The following ACSBG1 variants were observed in gnomAD, a reference collection of about 807,000 sequenced individuals.
The protein encoded by ACSBG1 is long-chain-fatty-acid--CoA ligase ACSBG1.
ACSBG1 carries 39 observed loss-of-function variants against 80.2 expected under a neutral mutation model. The observed-to-expected ratio is 0.49, with a 90% CI of 0.38 to 0.64. The LOEUF is 0.64. Among genes scored for constraint, ACSBG1 ranks in the 30% least tolerant of loss-of-function variants. The pLI is 0.00. For missense variants in ACSBG1, 828 were observed against 966.4 expected (o/e 0.86, Z 1.90); for synonymous variants, 392 against 379.5 (o/e 1.03, Z -0.38).
At position 78,176,929 on chromosome 15, in the gene ACSBG1, AAAAT is replaced by A. The variant is rs201512562; in HGVS notation, c.1702+1681_1702+1684del. On this transcript the variant is annotated intron_variant, in intron 11 of 13. Coordinates refer to ENST00000258873, the MANE Select transcript of ACSBG1 (RefSeq NM_015162.5). ...GGCAACAAAGCGAGACCCTGTTTCAAAAATAAATAAATAAATAAATAGGTAAATA... is the reference window on the plus strand; with the variant it reads ...GGCAACAAAGCGAGACCCTGTTTCAAAAATAAATAAATAAATAGGTAAATA... Among the ~76,000 whole-genome samples the A allele has an allele frequency of 2.3e-3, 357 of 152,224 alleles. 7 individuals carry two copies. In the East Asian group the frequency reaches 0.043, roughly 18 times the overall value.
chr15:78,232,169 T>G (rs1197708603), intron 1 of ACSBG1, among the ~76,000 whole-genome samples: 1 of 152,250 alleles, frequency 6.6e-6, no homozygotes, highest in Non-Finnish European at 1.5e-5. Context: ...ACACATTAGC[T>G]GATGGAATCC....
intron 1 of ACSBG1, among the ~76,000 whole-genome samples, chr15:78,221,788 G>A (rs1402639978): frequency 2.0e-5 from 3 of 152,136 alleles, no homozygotes; most frequent in Non-Finnish European, 1.5e-5. Context: ...GTAAAATGGC[G>A]ATGACTTTTA....
chr15:78,219,186 T>C (rs1261413578), intron 1 of ACSBG1, among the ~76,000 whole-genome samples: 1 of 152,160 alleles, frequency 6.6e-6, no homozygotes. Flanking sequence ...CACCTCTCCA[T>C]ACAGCTCAGC....
At chr15:78,197,232 G>T (rs4887013) in intron 2 of ACSBG1, among the ~76,000 whole-genome samples, 103,578 of 151,882 alleles carry the variant, frequency 0.68, 35,780 homozygotes, top group Admixed American at 0.78. Flanking sequence ...TGTTTGCCCC[G>T]GGCTGGAGGT....
chr15:78,207,647 T>C (rs2075227880), intron 2 of ACSBG1: 1 of 266,256 alleles, frequency 3.8e-6, no homozygotes, highest in Non-Finnish European at 7.2e-6. Flanking sequence ...CCCAAGGCAT[T>C]GCTTATCTGG....
At chr15:78,179,333 C>T (rs1327246223) in intron 10 of ACSBG1, among the ~76,000 whole-genome samples, 2 of 152,218 alleles carry the variant, frequency 1.3e-5, no homozygotes, top group East Asian at 1.9e-4. Context: ...ACTCACGACA[C>T]GGTGGCAGAG....
rs118086869 is a variant in ACSBG1, at chr15:78,224,086, T to C, written c.131+10285A>G. On this transcript the variant is annotated intron_variant, in intron 1 of 13. Coordinates refer to ENST00000258873, the MANE Select transcript of ACSBG1 (RefSeq NM_015162.5). ...TTCCAGAACTGGGGAAGAATAAATA[T>C]CTGTTGTCTTAAGCCACCAAGTTTG... is the stretch of plus-strand genomic sequence containing the variant. Among the ~76,000 whole-genome samples the C allele has an allele frequency of 1.7e-4, 26 of 152,240 alleles. No homozygotes were observed. In the East Asian group the frequency reaches 4.6e-3, roughly 27 times the overall value.
intron 1 of ACSBG1, among the ~76,000 whole-genome samples, chr15:78,218,302 G>T (rs1485803915): frequency 6.6e-6 from 1 of 152,058 alleles, no homozygotes; most frequent in East Asian, 1.9e-4. Context: ...TGAAGCTGGG[G>T]TGAGGCTTCT....
chr15:78,203,598 G>A (rs1392142799), intron 2 of ACSBG1, among the ~76,000 whole-genome samples: 1 of 152,210 alleles, frequency 6.6e-6, no homozygotes, highest in Non-Finnish European at 1.5e-5. Flanking sequence ...CCTTTATGCT[G>A]GGGGCCACTG....
chr15:78,193,757 T>A, intron 4 of ACSBG1, 131 bp from the exon 5 acceptor site: 1 of 1,335,630 alleles, frequency 7.5e-7, no homozygotes, highest in Non-Finnish European at 9.9e-7. Context: ...CCAAGGCACC[T>A]GAGCACCTCC....
intron 1 of ACSBG1, among the ~76,000 whole-genome samples, chr15:78,215,798 GA>G (rs1408642136): frequency 6.9e-6 from 1 of 145,212 alleles, no homozygotes; most frequent in African/African-American, 2.6e-5. Flanking sequence ...GAAAGAAAGA[GA>G]GAAAGGAAGG....
intron 12 of ACSBG1, 57 bp from the exon 13 acceptor site, chr15:78,173,896 G>A: frequency 6.4e-7 from 1 of 1,569,996 alleles, no homozygotes. Flanking sequence ...CGTAAGCCCT[G>A]GTCCTGGAGG....
chr15:78,209,142 T>A (rs532058263), intron 1 of ACSBG1: 7 of 455,894 alleles, frequency 1.5e-5, no homozygotes, highest in Non-Finnish European at 2.6e-5. Context: ...CCGGGCCAAT[T>A]ACCTGCTTCT....
intron 1 of ACSBG1, among the ~76,000 whole-genome samples, chr15:78,221,335 G>A (rs541637138): frequency 4.6e-5 from 7 of 152,292 alleles, no homozygotes; most frequent in South Asian, 2.1e-4. Flanking sequence ...AACAGAATCC[G>A]TGTCATAAAT....
chr15:78,174,629 A>G, intron 11 of ACSBG1, 105 bp from the exon 12 acceptor site: 1 of 1,361,656 alleles, frequency 7.3e-7, no homozygotes, highest in Non-Finnish European at 9.9e-7. Flanking sequence ...GCACAGCTGG[A>G]GATGCCCCCT....
intron 1 of ACSBG1, among the ~76,000 whole-genome samples, chr15:78,224,313 C>T (rs987577507): frequency 6.6e-6 from 1 of 152,146 alleles, no homozygotes; most frequent in Non-Finnish European, 1.5e-5. Context: ...CCAATGGAAA[C>T]CATGAGCAAC....
At chr15:78,227,642 C>G (rs1283954115) in intron 1 of ACSBG1, among the ~76,000 whole-genome samples, 1 of 152,064 alleles carries the variant, frequency 6.6e-6, no homozygotes, top group Non-Finnish European at 1.5e-5. Flanking sequence ...GGGATTTACC[C>G]AAGAAAATGA....
At chr15:78,197,060 C>T (rs1368040004) in intron 2 of ACSBG1, among the ~76,000 whole-genome samples, 1 of 150,194 alleles carries the variant, frequency 6.7e-6, no homozygotes, top group African/African-American at 2.5e-5. Context: ...TGAGACCCAG[C>T]CTCAGAAAAA....
At chr15:78,212,831 C>G (rs1195839713) in intron 1 of ACSBG1, 1 of 281,948 alleles carries the variant, frequency 3.5e-6, no homozygotes, top group Non-Finnish European at 7.3e-6. Flanking sequence ...GGTGGGACAC[C>G]CTGCTGTAAT....
Sources: gnomAD v4.1 joint callset for allele counts (sites outside exome capture counted in the v4.1 genomes callset) on GRCh38, gnomAD v4.1.1 for gene constraint, MANE v1.5 for transcripts, NCBI Gene and HGNC (gene_info 2026-07-23, HGNC 2026-07-21) for gene names.